Variants in LMO7 observed in about 807,000 individuals in gnomAD.
LMO7 encodes LIM domain only protein 7.
LMO7 carries 120 observed loss-of-function variants against 206.5 expected under a neutral mutation model. The ratio of observed to expected loss-of-function variants is 0.58; its 90% CI spans 0.50 to 0.68. The LOEUF (loss-of-function observed/expected upper bound fraction) is 0.68, where lower values mean the gene tolerates loss of function less well. LMO7 is among the 30% of genes least tolerant of loss of function. The probability of loss-of-function intolerance (pLI) is 0.00; values close to 1 mark genes in which losing one functional copy is unlikely to be tolerated. For synonymous variants in LMO7, 706 were observed against 681.5 expected, an observed-to-expected ratio of 1.04 and a Z score of -0.56; for missense variants, 1,959 against 1,957.9, an observed-to-expected ratio of 1.00 and a Z score of -0.01.
At chr13:75,804,168 C>A in intron 7 of LMO7, 121 bp from the exon 8 acceptor site, 1 of 991,992 alleles carries the variant, frequency 1.0e-6, no homozygotes, top group Non-Finnish European at 1.5e-6. Flanking sequence ...TAAAAATATT[C>A]CCTGCAGTTA....
At chr13:75,635,966 C>T (rs778802964), upstream of LMO7, 1 of 152,990 alleles carries the variant, frequency 6.5e-6, no homozygotes, top group East Asian at 1.9e-4. Flanking sequence ...GCAGCTATTT[C>T]TGGTATGTCA....
intron 1 of LMO7, among the ~76,000 whole-genome samples, chr13:75,652,614 A>AGTGTTT (rs2037691310): frequency 7.3e-6 from 1 of 137,878 alleles, no homozygotes; most frequent in African/African-American, 2.7e-5. Flanking sequence ...CCACAAGTTC[A>AGTGTTT]GTGTGTGTGT....
At chr13:75,783,059 T>C (rs1007378809) in intron 4 of LMO7, among the ~76,000 whole-genome samples, 8 of 152,178 alleles carry the variant, frequency 5.3e-5, no homozygotes, top group African/African-American at 1.9e-4. Flanking sequence ...AACAAAGAAT[T>C]CAAAATGGAA....
At chr13:75,670,379 T>C (rs1157018209) in intron 1 of LMO7, among the ~76,000 whole-genome samples, 1 of 152,170 alleles carries the variant, frequency 6.6e-6, no homozygotes, top group Non-Finnish European at 1.5e-5. Context: ...TTCTGCGAAA[T>C]GTGTCATATA....
At chr13:75,703,848 A>G (rs1250154141) in intron 1 of LMO7, among the ~76,000 whole-genome samples, 2 of 152,184 alleles carry the variant, frequency 1.3e-5, no homozygotes, top group Non-Finnish European at 2.9e-5. Context: ...GACAGGAAAG[A>G]GGTAGGAGAT....
At chr13:75,637,107 C>T (rs2035986448) in intron 1 of LMO7, among the ~76,000 whole-genome samples, 1 of 150,896 alleles carries the variant, frequency 6.6e-6, no homozygotes, top group African/African-American at 2.4e-5. Flanking sequence ...CTCTCGGGTG[C>T]ATTCCCTCGG....
At chr13:75,761,093 T>C (rs1273133384) in intron 4 of LMO7, 55 bp downstream of exon 4, 3 of 1,122,968 alleles carry the variant, frequency 2.7e-6, no homozygotes, top group Non-Finnish European at 3.8e-6. Flanking sequence ...TTAGGGCTTG[T>C]AGCTTAAGTG....
At chr13:75,751,553 A>G (rs767878384) in intron 3 of LMO7, among the ~76,000 whole-genome samples, 1 of 152,168 alleles carries the variant, frequency 6.6e-6, no homozygotes, top group Non-Finnish European at 1.5e-5. Flanking sequence ...TATTTGGTTA[A>G]TTGACAGGGA....
At chr13:75,650,437 T>G (rs1555287437) in intron 1 of LMO7, among the ~76,000 whole-genome samples, 1 of 152,154 alleles carries the variant, frequency 6.6e-6, no homozygotes, top group Non-Finnish European at 1.5e-5. Context: ...CCGTTTTTTT[T>G]TCTTAATGAT....
Position 75,808,015 on chromosome 13 carries a change from G to A in LMO7, c.1732G>A (p.Val578Ile), listed in dbSNP as rs754729992. 3 of 1,613,888 alleles carry A rather than the reference G, an allele frequency of 1.9e-6. No individual in the cohort carries two copies. The highest frequency in any genetic ancestry group is 2.5e-6 in the Non-Finnish European group (3 of 1,179,854). Residue 578 changes from valine to isoleucine, a missense_variant, in exon 10 of 31, where the codon GTT (valine) becomes ATT (isoleucine). By Grantham distance (29) the Val-to-Ile change is conservative. Transcript: ENST00000377534. ...AAAAAGTAATAGCTGTAGAATATTAGTTCCTTCATATCGGCAGAAGAAAGA... is the reference window on the plus strand; with the variant it reads ...AAAAAGTAATAGCTGTAGAATATTAATTCCTTCATATCGGCAGAAGAAAGA... ...KEKSNSCRILVPSYRQKKDDM... is the reference protein window; with the variant it reads ...KEKSNSCRILIPSYRQKKDDM...
intron 1 of LMO7, chr13:75,622,452 C>T (rs541803137): frequency 1.3e-5 from 2 of 152,294 alleles, no homozygotes; most frequent in Non-Finnish European, 2.9e-5. Flanking sequence ...ATTATTAAGT[C>T]CTGCTGGAAT....
intron 2 of LMO7, among the ~76,000 whole-genome samples, chr13:75,716,320 T>C (rs193040218): frequency 2.6e-5 from 4 of 152,292 alleles, no homozygotes; most frequent in Admixed American, 6.5e-5. Flanking sequence ...GCACTGAGGT[T>C]TCAGACAAGA....
intron 2 of LMO7, among the ~76,000 whole-genome samples, chr13:75,725,431 T>A (rs2044386977): frequency 6.6e-6 from 1 of 152,118 alleles, no homozygotes; most frequent in Non-Finnish European, 1.5e-5. Flanking sequence ...ATTTCTTGAT[T>A]TATACTTTCC....
chr13:75,801,898 G>A (rs185514852), intron 7 of LMO7, among the ~76,000 whole-genome samples: 4 of 152,134 alleles, frequency 2.6e-5, no homozygotes, highest in East Asian at 3.9e-4. Context: ...ACATGTATTC[G>A]CTGCCTAATT....
At chr13:75,750,567 T>G (rs1260468566) in intron 3 of LMO7, among the ~76,000 whole-genome samples, 1 of 151,990 alleles carries the variant, frequency 6.6e-6, no homozygotes, top group Non-Finnish European at 1.5e-5. Context: ...TAATTTTATT[T>G]TTTTTGGTAG....
chr13:75,745,275 T>C (rs907383265), intron 3 of LMO7, among the ~76,000 whole-genome samples: 4 of 152,100 alleles, frequency 2.6e-5, no homozygotes, highest in Non-Finnish European at 4.4e-5. Context: ...TAGGCTACAT[T>C]TTACTTAAAG....
chr13:75,805,436 A>T, intron 8 of LMO7, 43 bp from the exon 9 acceptor site: 1 of 1,579,194 alleles, frequency 6.3e-7, no homozygotes, highest in South Asian at 1.2e-5. Context: ...TCTGTGTCAC[A>T]AATGCTCATA....
intron 15 of LMO7, among the ~76,000 whole-genome samples, chr13:75,832,238 G>T (rs530465033): frequency 6.6e-6 from 1 of 152,276 alleles, no homozygotes; most frequent in Non-Finnish European, 1.5e-5. Flanking sequence ...GAAACATTTG[G>T]TTTAGAAAAT....
At chr13:75,658,179 TTCTC>T (rs2139221879) in intron 1 of LMO7, among the ~76,000 whole-genome samples, 1 of 152,282 alleles carries the variant, frequency 6.6e-6, no homozygotes, top group South Asian at 2.1e-4. Context: ...TCTTTTTGAG[TTCTC>T]TCTAACTCGT....
Sources: gnomAD v4.1 joint callset for allele counts (sites outside exome capture counted in the v4.1 genomes callset) on GRCh38, gnomAD v4.1.1 for gene constraint, MANE v1.5 for transcripts, NCBI Gene and HGNC (gene_info 2026-07-23, HGNC 2026-07-21) for gene names.